The following TUBGCP3 variants were observed in gnomAD, a reference collection of about 807,000 sequenced individuals.
TUBGCP3 encodes the protein tubulin gamma complex component 3.
Under a neutral mutation model 123.1 loss-of-function variants are expected in TUBGCP3, and 50 were observed. The observed-to-expected ratio is 0.41, with a 90% confidence interval of 0.32 to 0.51. TUBGCP3 has a LOEUF of 0.51. Among genes scored for constraint, TUBGCP3 ranks in the 20% least tolerant of loss-of-function variants. TUBGCP3 has a pLI of 0.36. For missense variants in TUBGCP3, 882 were observed against 1,127.0 expected, an observed-to-expected ratio of 0.78 and a Z score of 3.11; for synonymous variants, 405 against 413.9, an observed-to-expected ratio of 0.98 and a Z score of 0.26.
intron 13 of TUBGCP3, among the ~76,000 whole-genome samples, chr13:112,526,556 C>T (rs1043890585): frequency 2.0e-5 from 3 of 151,124 alleles, no homozygotes; most frequent in South Asian, 2.1e-4. Context: ...CCATCCCCAA[C>T]ATCATCACAT....
intron 17 of TUBGCP3, among the ~76,000 whole-genome samples, chr13:112,507,358 A>T (rs1881373677): frequency 6.6e-6 from 1 of 152,200 alleles, no homozygotes. Flanking sequence ...CTTTTCAAGC[A>T]ACTACCCAGG....
the TUBGCP3 span, among the ~76,000 whole-genome samples, chr13:112,599,889 G>A: frequency 9.9e-5 from 15 of 152,134 alleles, no homozygotes; most frequent in Non-Finnish European, 2.1e-4. Flanking sequence ...CAGAAAAATT[G>A]AGAAGATAGT....
chr13:112,502,022 T>C (rs117335862), intron 19 of TUBGCP3, among the ~76,000 whole-genome samples: 2 of 152,180 alleles, frequency 1.3e-5, no homozygotes, highest in African/African-American at 4.8e-5. Flanking sequence ...TGGACTGATA[T>C]CAGTATGGGT....
rs1311569849 is a variant in TUBGCP3, at chr13:112,558,364, T to C, written c.380A>G (p.His127Arg). The change falls in exon 5 of 22, where the codon CAC (histidine) becomes CGC (arginine). Residue 127 changes from histidine (H) to arginine (R), a missense_variant. Around this residue, in one of 3 missense-constraint regions of TUBGCP3, gnomAD observed 713 missense variants for 874.0 expected, o/e 0.82. Coordinates refer to ENST00000261965, the MANE Select transcript of TUBGCP3 (RefSeq NM_006322.6). ...LFAQALPRDA[H>R]STPYYYARPQ... The stretch of plus-strand genomic sequence containing the variant: ...CCTGGCATAGTAGTAAGGGGTTGAG[T>C]GGGCATCTCTTGGTAAGGCCTGAGC... 5 of 1,605,528 alleles carry C rather than the reference T, an allele frequency of 3.1e-6. No individual in the cohort carries two copies. The Admixed American group carries it at 8.4e-5, about 27-fold the overall frequency.
intron 17 of TUBGCP3, 35 bp from the exon 18 acceptor site, chr13:112,504,749 C>T (rs780559259): frequency 6.5e-7 from 1 of 1,547,358 alleles, no homozygotes; most frequent in Non-Finnish European, 8.9e-7. Context: ...AGGTGCAATG[C>T]AAGTACACTT....
chr13:112,570,132 C>T (rs926298709), intron 1 of TUBGCP3, among the ~76,000 whole-genome samples: 15 of 152,112 alleles, frequency 9.9e-5, no homozygotes, highest in African/African-American at 3.4e-4. Flanking sequence ...ACCACCGAGA[C>T]CCGCCCAGCA....
intron 13 of TUBGCP3, among the ~76,000 whole-genome samples, chr13:112,526,448 C>T (rs1877106611): frequency 7.3e-6 from 1 of 137,496 alleles, no homozygotes; most frequent in Non-Finnish European, 1.6e-5. Context: ...TCATCACCGT[C>T]GCCACCCATC....
intron 13 of TUBGCP3, among the ~76,000 whole-genome samples, chr13:112,523,297 A>T (rs1876775678): frequency 6.6e-6 from 1 of 152,244 alleles, no homozygotes; most frequent in South Asian, 2.1e-4. Flanking sequence ...GAAAGGCGAG[A>T]TCTTCTGATT....
chr13:112,602,708 G>A, the TUBGCP3 span: 5 of 152,182 alleles, frequency 3.3e-5, no homozygotes, highest in African/African-American at 1.2e-4. Flanking sequence ...CACTGCCACT[G>A]CTAAGTGTTC....
At chr13:112,516,870 G>A (rs893353708) in intron 16 of TUBGCP3, among the ~76,000 whole-genome samples, 1 of 152,166 alleles carries the variant, frequency 6.6e-6, no homozygotes, top group Non-Finnish European at 1.5e-5. Flanking sequence ...ACCCGCCTGA[G>A]GGATCCGTGA....
chr13:112,519,828 C>A lies in TUBGCP3; in HGVS notation c.1881+58G>T. ...CATGGAAAACACTCGCTAGAACACCCCGGCCCAGTGGGTCCTCGGTGCCGG... is the reference window on the plus strand; with the variant it reads ...CATGGAAAACACTCGCTAGAACACCACGGCCCAGTGGGTCCTCGGTGCCGG... On this transcript the variant is annotated intron_variant, in intron 15 of 21. Transcript: ENST00000261965. The surrounding 1 kb of genome is among the most constrained non-coding windows in gnomAD (Gnocchi z 6.2). 6.3e-7 allele frequency: 1 copy of A among 1,582,820 alleles called. No individual in the cohort carries two copies. The highest frequency in any genetic ancestry group is 8.6e-7 in the Non-Finnish European group (1 of 1,163,348).
chr13:112,595,651 CATGGTATATAT>C, the TUBGCP3 span, among the ~76,000 whole-genome samples: 1 of 152,036 alleles, frequency 6.6e-6, no homozygotes, highest in Non-Finnish European at 1.5e-5. Context: ...TGATTGTTTG[CATGGTATATAT>C]ATTTTTCTAT....
intron 21 of TUBGCP3, among the ~76,000 whole-genome samples, chr13:112,487,817 C>T (rs1426126738): frequency 6.6e-6 from 1 of 152,002 alleles, no homozygotes. Context: ...CCTTAGTTAT[C>T]GTGAAGAAAA....
chr13:112,586,152 T>C (rs1163151269), intron 1 of TUBGCP3, among the ~76,000 whole-genome samples: 1 of 150,480 alleles, frequency 6.6e-6, no homozygotes, highest in Non-Finnish European at 1.5e-5. Context: ...GGCAGGAGAA[T>C]GGCATGAACC....
intron 11 of TUBGCP3, among the ~76,000 whole-genome samples, chr13:112,534,260 A>C (rs9324309): frequency 0.44 from 67,321 of 152,084 alleles, 19,077 homozygotes; most frequent in African/African-American, 0.81. Flanking sequence ...CATTAAAACT[A>C]CTGCGGCCGG....
At chr13:112,555,104 C>A (rs758378595) in intron 6 of TUBGCP3, 99 bp from the exon 7 acceptor site, 1 of 707,172 alleles carries the variant, frequency 1.4e-6, no homozygotes, top group Non-Finnish European at 2.4e-6. Context: ...ATTTGCCACC[C>A]CGATGAAATT....
intron 1 of TUBGCP3, among the ~76,000 whole-genome samples, chr13:112,579,096 A>C (rs1882082103): frequency 6.6e-6 from 1 of 152,226 alleles, no homozygotes. Flanking sequence ...TATGTGCAAA[A>C]CACAAAGACA....
At chr13:112,554,605 G>C (rs1879872363) in intron 7 of TUBGCP3, among the ~76,000 whole-genome samples, 1 of 152,196 alleles carries the variant, frequency 6.6e-6, no homozygotes, top group South Asian at 2.1e-4. Flanking sequence ...TGTCCCCTGG[G>C]TGCCTCAGCC....
At chr13:112,486,266 G>A in intron 21 of TUBGCP3, 115 bp from the exon 22 acceptor site, 2 of 1,313,628 alleles carry the variant, frequency 1.5e-6, no homozygotes, top group Admixed American at 4.9e-5. Flanking sequence ...AGATCAACAG[G>A]CCCTTAGTAA....
Sources: gnomAD v4.1 joint callset for allele counts (sites outside exome capture counted in the v4.1 genomes callset) on GRCh38, gnomAD v4.1.1 for gene constraint, gnomAD v4.1.1 regional missense constraint, Gnocchi (gnomAD v3.1) non-coding constraint, MANE v1.5 for transcripts, NCBI Gene and HGNC (gene_info 2026-07-23, HGNC 2026-07-21) for gene names.